Variants in SLC14A2 observed in about 807,000 individuals in gnomAD.
SLC14A2 encodes urea transporter 2.
SLC14A2 carries 91 observed loss-of-function variants against 104.6 expected under a neutral mutation model. The observed-to-expected ratio is 0.87, with a 90% CI of 0.73 to 1.04. SLC14A2 has a LOEUF of 1.04. Ranked by LOEUF, SLC14A2 falls within the 50% of genes least tolerant of loss-of-function variation. The pLI, the probability that SLC14A2 is intolerant of heterozygous loss-of-function variation, is 0.00. For synonymous variants in SLC14A2, 476 were observed against 466.4 expected (o/e 1.02, Z -0.27); for missense variants, 1,189 against 1,156.0 (o/e 1.03, Z -0.41).
intron 1 of SLC14A2, among the ~76,000 whole-genome samples, chr18:45,405,734 TA>T (rs1453671883): frequency 2.4e-4 from 36 of 151,930 alleles, no homozygotes; most frequent in Non-Finnish European, 4.6e-4. Flanking sequence ...CTGTCTCTAG[TA>T]AAAATACAAA....
At chr18:45,524,620 A>G (rs1474364985) in intron 2 of SLC14A2, among the ~76,000 whole-genome samples, 1 of 152,232 alleles carries the variant, frequency 6.6e-6, no homozygotes, top group Non-Finnish European at 1.5e-5. Context: ...GATGACACAT[A>G]CACATGAAAC....
chr18:45,207,940 C>T, the SLC14A2 span, among the ~76,000 whole-genome samples: 1 of 152,110 alleles, frequency 6.6e-6, no homozygotes, highest in African/African-American at 2.4e-5. Context: ...ATTAGACTTC[C>T]TATTTTACAG....
At chr18:45,423,511 T>A (rs2086378234) in intron 1 of SLC14A2, among the ~76,000 whole-genome samples, 2 of 152,112 alleles carry the variant, frequency 1.3e-5, no homozygotes, top group Non-Finnish European at 2.9e-5. Flanking sequence ...CAACAGAACA[T>A]TCTAACCAGA....
chr18:45,328,220 C>T (rs1348151340), intron 1 of SLC14A2, among the ~76,000 whole-genome samples: 1 of 152,176 alleles, frequency 6.6e-6, no homozygotes, highest in Non-Finnish European at 1.5e-5. Context: ...AAAGCAAGTG[C>T]ATTCTCCTCC....
At chr18:45,408,272 G>T (rs946227996) in intron 1 of SLC14A2, among the ~76,000 whole-genome samples, 2 of 152,060 alleles carry the variant, frequency 1.3e-5, no homozygotes, top group African/African-American at 4.8e-5. Flanking sequence ...GGGTAATTCT[G>T]GGAAAGAAAA....
At chr18:45,551,425 G>A (rs2044054799) in intron 2 of SLC14A2, among the ~76,000 whole-genome samples, 1 of 152,218 alleles carries the variant, frequency 6.6e-6, no homozygotes, top group African/African-American at 2.4e-5. Flanking sequence ...GGGGGCCAAG[G>A]GCTTGGAACT....
At chr18:45,563,808 G>A (rs956155000) in intron 2 of SLC14A2, among the ~76,000 whole-genome samples, 7 of 152,058 alleles carry the variant, frequency 4.6e-5, no homozygotes, top group Admixed American at 2.0e-4. Context: ...TATTATTCAC[G>A]GTTTGGAAAG....
chr18:45,652,961 G>T (rs74403572), intron 10 of SLC14A2, among the ~76,000 whole-genome samples: 3,495 of 151,968 alleles, frequency 0.023, 130 homozygotes, highest in African/African-American at 0.078. Flanking sequence ...ATGACATATT[G>T]CTCACAGGTG....
intron 2 of SLC14A2, chr18:45,528,880 CTATG>C (rs1488065305): frequency 6.6e-6 from 1 of 152,210 alleles, no homozygotes; most frequent in Non-Finnish European, 1.5e-5. Context: ...GACCAATAAA[CTATG>C]TATGGTAAAC....
At chr18:45,465,057 G>A (rs1296447439) in intron 1 of SLC14A2, among the ~76,000 whole-genome samples, 1 of 152,086 alleles carries the variant, frequency 6.6e-6, no homozygotes, top group Non-Finnish European at 1.5e-5. Context: ...ACAATGGAAG[G>A]GACAGCTAGA....
intron 1 of SLC14A2, among the ~76,000 whole-genome samples, chr18:45,296,335 G>C (rs77013296): frequency 6.6e-6 from 1 of 152,290 alleles, no homozygotes; most frequent in East Asian, 1.9e-4. Flanking sequence ...GCCTTCCAAA[G>C]ACCCTAAAAC....
chr18:45,567,645 C>G (rs1457233329), intron 2 of SLC14A2, among the ~76,000 whole-genome samples: 1 of 152,122 alleles, frequency 6.6e-6, no homozygotes, highest in East Asian at 1.9e-4. Flanking sequence ...GTGAGGAAGG[C>G]AGAACTCCTG....
chr18:45,645,181 G>A (rs991915837), intron 10 of SLC14A2, among the ~76,000 whole-genome samples: 1 of 152,132 alleles, frequency 6.6e-6, no homozygotes. Context: ...CCATGTCCCT[G>A]CAAAGGATAT....
intron 16 of SLC14A2, among the ~76,000 whole-genome samples, chr18:45,671,557 A>C (rs970596092): frequency 6.6e-6 from 1 of 151,916 alleles, no homozygotes; most frequent in Admixed American, 6.5e-5. Context: ...AAAACTGCCC[A>C]TGCTGCTGCT....
chr18:45,453,155 C>A (rs2086884311), intron 1 of SLC14A2, among the ~76,000 whole-genome samples: 1 of 152,208 alleles, frequency 6.6e-6, no homozygotes, highest in Non-Finnish European at 1.5e-5. Flanking sequence ...GACCCACCTA[C>A]TCAGCTTCAT....
intron 1 of SLC14A2, among the ~76,000 whole-genome samples, chr18:45,270,147 C>T (rs546205616): frequency 2.0e-5 from 3 of 152,122 alleles, no homozygotes; most frequent in East Asian, 1.9e-4. Context: ...CTAAACCATA[C>T]ACTCTTCCCA....
chr18:45,473,363 C>CT (rs1198200172), intron 1 of SLC14A2, among the ~76,000 whole-genome samples: 1 of 152,162 alleles, frequency 6.6e-6, no homozygotes, highest in Non-Finnish European at 1.5e-5. Context: ...TACATGGGCT[C>CT]TTTTTTGGTT....
At chr18:45,626,097 A>T (rs80062891) in intron 3 of SLC14A2, among the ~76,000 whole-genome samples, 8 of 152,328 alleles carry the variant, frequency 5.3e-5, no homozygotes, top group Non-Finnish European at 1.2e-4. Context: ...TGGTTTCAGA[A>T]TTAAATGCAT....
At chr18:45,306,458 G>A (rs578011326) in intron 1 of SLC14A2, among the ~76,000 whole-genome samples, 14 of 152,274 alleles carry the variant, frequency 9.2e-5, no homozygotes, top group African/African-American at 2.9e-4. Flanking sequence ...CCCTGCCCTC[G>A]TAGCATGAAA....
Sources: gnomAD v4.1 joint callset for allele counts (sites outside exome capture counted in the v4.1 genomes callset) on GRCh38, gnomAD v4.1.1 for gene constraint, MANE v1.5 for transcripts, NCBI Gene and HGNC (gene_info 2026-07-23, HGNC 2026-07-21) for gene names.